RBMS3: variants seen among roughly 807,000 people sequenced by gnomAD.
The protein encoded by RBMS3 is RNA-binding motif, single-stranded-interacting protein 3.
In RBMS3, 27 loss-of-function variants were observed where a neutral mutation model predicts 66.8. The ratio of observed to expected loss-of-function variants is 0.40; its 90% CI spans 0.30 to 0.56. RBMS3 has a LOEUF of 0.56. RBMS3 is among the 20% of genes least tolerant of loss of function. The probability of loss-of-function intolerance (pLI) is 0.40; values close to 1 mark genes in which losing one functional copy is unlikely to be tolerated. For missense variants in RBMS3, 513 were observed against 549.5 expected, an observed-to-expected ratio of 0.93 and a Z score of 0.66; for synonymous variants, 188 against 183.0, an observed-to-expected ratio of 1.03 and a Z score of -0.22.
intron 1 of RBMS3, among the ~76,000 whole-genome samples, chr3:29,366,663 C>T (rs1313855544): frequency 1.3e-5 from 2 of 152,114 alleles, no homozygotes; most frequent in South Asian, 4.1e-4. Flanking sequence ...GCATGAGCCA[C>T]CACACCTGGC....
chr3:29,311,488 A>G (rs2034371572), intron 1 of RBMS3, among the ~76,000 whole-genome samples: 1 of 151,778 alleles, frequency 6.6e-6, no homozygotes, highest in Non-Finnish European at 1.5e-5. Flanking sequence ...TCACACTACA[A>G]TATGCAAGCC....
intron 2 of RBMS3, among the ~76,000 whole-genome samples, chr3:29,442,128 T>C (rs2041649049): frequency 6.6e-6 from 1 of 152,200 alleles, no homozygotes; most frequent in South Asian, 2.1e-4. Flanking sequence ...TTCTACTTTT[T>C]AATAATGTTT....
intron 2 of RBMS3, among the ~76,000 whole-genome samples, chr3:29,482,064 G>T (rs966675046): frequency 6.6e-6 from 1 of 152,118 alleles, no homozygotes; most frequent in South Asian, 2.1e-4. Context: ...TATATTAATT[G>T]ATTCTAAACC....
chr3:29,361,905 C>G (rs2037615251), intron 1 of RBMS3, among the ~76,000 whole-genome samples: 1 of 152,170 alleles, frequency 6.6e-6, no homozygotes, highest in African/African-American at 2.4e-5. Flanking sequence ...CCATCAGGTC[C>G]TTTAAGGACT....
chr3:29,691,947 C>CTCTCTCTCTCTT (rs1218393454), intron 4 of RBMS3, among the ~76,000 whole-genome samples: 1 of 53,546 alleles, frequency 1.9e-5, no homozygotes, highest in African/African-American at 7.5e-5. Flanking sequence ...CTCTCTCTCT[C>CTCTCTCTCTCTT]TATTTTTTTT....
chr3:29,907,291 C>A (rs565870431), intron 10 of RBMS3, among the ~76,000 whole-genome samples: 1 of 152,190 alleles, frequency 6.6e-6, no homozygotes, highest in African/African-American at 2.4e-5. Context: ...TCATTCTCAG[C>A]TTTTCCAGGT....
In RBMS3 at chr3:29,812,744, T is replaced by C. The variant is rs2057763625; in HGVS notation, c.637+49755T>C. Among the ~76,000 whole-genome samples, 3 of 152,148 alleles carry C rather than the reference T, an allele frequency of 2.0e-5. No homozygotes were observed. The South Asian group carries it at 6.2e-4, about 32-fold the overall frequency. ...AAAGAGTTTTTCTTTTTTCTGAGAG[T>C]AATCAGGAAAGTCTAGAGCATGTAT... On this transcript the variant is annotated intron_variant, in intron 6 of 14. Transcript: ENST00000383767.
At chr3:29,346,233 A>T (rs1443877790) in intron 1 of RBMS3, among the ~76,000 whole-genome samples, 1 of 152,184 alleles carries the variant, frequency 6.6e-6, no homozygotes, top group Non-Finnish European at 1.5e-5. Flanking sequence ...CAGATGGCTT[A>T]GCACATAGTA....
chr3:29,439,285 T>A (rs2041521448), intron 2 of RBMS3, among the ~76,000 whole-genome samples: 1 of 152,168 alleles, frequency 6.6e-6, no homozygotes, highest in Non-Finnish European at 1.5e-5. Flanking sequence ...TTCGCATAGC[T>A]ATATTTTTGT....
In RBMS3 at chr3:29,350,221, TA is replaced by T. The variant is rs1217605226; in HGVS notation, c.75+68471del. 4.6e-5 allele frequency among the ~76,000 whole-genome samples: 7 copies of T among 152,164 alleles called. No homozygotes were observed. In the East Asian group the frequency reaches 9.6e-4, roughly 21 times the overall value. On this transcript the variant is annotated intron_variant, in intron 1 of 14. Coordinates refer to ENST00000383767, the MANE Select transcript of RBMS3 (RefSeq NM_001003793.3). Reference sequence around the variant, plus strand: ...ACATTTTTGAAAGTTAGGGATTTTTTAAAAAACTGTCATTATAAAATTATGG... The same window carrying T: ...ACATTTTTGAAAGTTAGGGATTTTTTAAAAACTGTCATTATAAAATTATGG...
chr3:29,856,016 A>T (rs953259592), intron 6 of RBMS3, among the ~76,000 whole-genome samples: 1 of 152,270 alleles, frequency 6.6e-6, no homozygotes, highest in African/African-American at 2.4e-5. Context: ...ATACCAAATT[A>T]GAAGTGTATA....
rs1305305560 is a variant in RBMS3 at position 29,795,330 on chromosome 3, C to T, written c.637+32341C>T. On this transcript the variant is annotated intron_variant, in intron 6 of 14. Coordinates refer to ENST00000383767, the MANE Select transcript of RBMS3 (RefSeq NM_001003793.3). Reference sequence around the variant, plus strand: ...ACTTTGGAAGTGTATCAGAGATATACTCCACCTCTGAAAACCTCCAGGCTG... The same window carrying T: ...ACTTTGGAAGTGTATCAGAGATATATTCCACCTCTGAAAACCTCCAGGCTG... Among the ~76,000 whole-genome samples the T allele has an allele frequency of 2.0e-5, 3 of 152,236 alleles. No individual in the cohort carries two copies. The East Asian group carries it at 5.8e-4, about 29-fold the overall frequency.
At chr3:29,961,974 ATAATATATAT>A (rs534850230) in intron 12 of RBMS3, among the ~76,000 whole-genome samples, 1 of 143,136 alleles carries the variant, frequency 7.0e-6, no homozygotes, top group East Asian at 2.0e-4. Flanking sequence ...ATATATATGT[ATAATATATAT>A]TAATATATAT....
chr3:29,466,844 A>C (rs1302344400), intron 2 of RBMS3, among the ~76,000 whole-genome samples: 1 of 152,108 alleles, frequency 6.6e-6, no homozygotes, highest in Non-Finnish European at 1.5e-5. Flanking sequence ...TTAACTCTCT[A>C]TGCAGTTTGA....
chr3:29,529,321 A>G (rs1035932152), intron 3 of RBMS3, among the ~76,000 whole-genome samples: 2 of 152,294 alleles, frequency 1.3e-5, no homozygotes, highest in South Asian at 2.1e-4. Flanking sequence ...TATAACTTCT[A>G]GAATTATCAT....
intron 2 of RBMS3, among the ~76,000 whole-genome samples, chr3:29,473,854 G>A (rs888627706): frequency 3.3e-5 from 5 of 152,240 alleles, no homozygotes; most frequent in South Asian, 2.1e-4. Flanking sequence ...CAAGCGCCGC[G>A]CGCAGCCCCG....
chr3:29,809,932 ATTTTC>A (rs2057681229), intron 6 of RBMS3, among the ~76,000 whole-genome samples: 1 of 151,818 alleles, frequency 6.6e-6, no homozygotes, highest in African/African-American at 2.4e-5. Flanking sequence ...TGGTCCTTAA[ATTTTC>A]TTTTCATTGA....
At chr3:29,668,024 T>C (rs2050836508) in intron 4 of RBMS3, among the ~76,000 whole-genome samples, 1 of 152,194 alleles carries the variant, frequency 6.6e-6, no homozygotes, top group Admixed American at 6.5e-5. Flanking sequence ...AATCACTGTT[T>C]CAATTTCTTT....
At chr3:29,376,565 G>A (rs971947406) in intron 1 of RBMS3, among the ~76,000 whole-genome samples, 1 of 151,972 alleles carries the variant, frequency 6.6e-6, no homozygotes, top group African/African-American at 2.4e-5. Flanking sequence ...GAGGTCAGGA[G>A]TTCGAGACCA....
Sources: gnomAD v4.1 joint callset for allele counts (sites outside exome capture counted in the v4.1 genomes callset) on GRCh38, gnomAD v4.1.1 for gene constraint, MANE v1.5 for transcripts, NCBI Gene and HGNC (gene_info 2026-07-23, HGNC 2026-07-21) for gene names.